Variants in DENND5A observed in about 807,000 individuals in gnomAD.
DENND5A encodes DENN domain-containing protein 5A.
Under a neutral mutation model 140.3 loss-of-function variants are expected in DENND5A, and 64 were observed. The observed-to-expected ratio is 0.46, with a 90% CI of 0.37 to 0.56. The LOEUF (loss-of-function observed/expected upper bound fraction) is 0.56. Among genes scored for constraint, DENND5A ranks in the 20% least tolerant of loss-of-function variants. DENND5A has a pLI of 0.00. For missense variants in DENND5A, 1,292 were observed against 1,593.8 expected (o/e 0.81, Z 3.22); for synonymous variants, 605 against 607.7 (o/e 1.00, Z 0.07).
rs528834895 is a variant in DENND5A, at chr11:9,236,548, A to C, written c.109+28413T>G. Among the ~76,000 whole-genome samples the C allele has an allele frequency of 2.0e-5, 3 of 152,166 alleles. No individual in the cohort carries two copies. In the East Asian group the frequency reaches 5.8e-4, roughly 29 times the overall value. ...ACACCACCTCAAAAAAAGAAAGAAA[A>C]AAAAAAGAAATATTTAGCATTTTTA... is the stretch of plus-strand genomic sequence containing the variant. On this transcript the variant is annotated intron_variant, in intron 1 of 22. Coordinates refer to ENST00000328194, the MANE Select transcript of DENND5A (RefSeq NM_015213.4).
At chr11:9,164,194 ATT>A (rs779522112) in intron 11 of DENND5A, among the ~76,000 whole-genome samples, 1,059 of 77,714 alleles carry the variant, frequency 0.014, 3 homozygotes, top group East Asian at 0.024. Flanking sequence ...ACCACGCCTA[ATT>A]TTTTTTTTTT....
intron 1 of DENND5A, among the ~76,000 whole-genome samples, chr11:9,259,438 C>T (rs1443357079): frequency 5.4e-5 from 8 of 149,270 alleles, no homozygotes; most frequent in Admixed American, 1.3e-4. Flanking sequence ...TGGTGGTGGG[C>T]GCCTGTAGTC....
At chr11:9,171,057 G>T in intron 8 of DENND5A, 2 of 374,782 alleles carry the variant, frequency 5.3e-6, no homozygotes, top group Non-Finnish European at 9.4e-6. Context: ...ACTGCTTAGA[G>T]AAAGCTTCCA....
chr11:9,230,066 G>A (rs909683066), intron 1 of DENND5A, among the ~76,000 whole-genome samples: 1 of 150,566 alleles, frequency 6.6e-6, no homozygotes, highest in Admixed American at 6.6e-5. Context: ...CTGCCACCAC[G>A]TCCAGCTAAT....
At chr11:9,174,119 A>G (rs1004851244) in intron 8 of DENND5A, among the ~76,000 whole-genome samples, 5 of 148,072 alleles carry the variant, frequency 3.4e-5, no homozygotes, top group Admixed American at 6.7e-5. Context: ...AAAAAAAAAA[A>G]AAAAAAAAAA....
Position 9,139,739 on chromosome 11 carries a change from C to T in DENND5A, c.3796G>A (p.Val1266Met), listed in dbSNP as rs1268737299. 2 of 1,614,096 alleles carry T rather than the reference C, an allele frequency of 1.2e-6. No homozygotes were observed. The highest frequency in any genetic ancestry group is 1.7e-6 in the Non-Finnish European group (2 of 1,180,020). ...DHTLVNSLIR[V>M]LQTLQEFNIT... Reference sequence around the variant, plus strand: ...TTGAACTCCTGCAATGTCTGCAGCACACGAATCAAGGAATTGACAAGTGTA... The same window carrying T: ...TTGAACTCCTGCAATGTCTGCAGCATACGAATCAAGGAATTGACAAGTGTA... Residue 1266 changes from valine to methionine, a missense_variant, in exon 23 of 23, where the codon GTG becomes ATG. By Grantham distance (21) the Val-to-Met change is conservative (BLOSUM62 1). Around this residue, in one of 4 missense-constraint regions of DENND5A, gnomAD observed 498 missense variants for 689.7 expected, o/e 0.72. Transcript: ENST00000328194.
chr11:9,162,193 T>A (rs1018478987), intron 11 of DENND5A, among the ~76,000 whole-genome samples: 1 of 150,622 alleles, frequency 6.6e-6, no homozygotes, highest in Admixed American at 6.6e-5. Flanking sequence ...AATATATATA[T>A]GCTATTACAT....
In DENND5A at chr11:9,156,325, C is replaced by A. The variant is rs567717085; in HGVS notation, c.2437-3883G>T. Reference sequence around the variant, plus strand: ...AGCCAGGACTCAGAACAAAATGGAACCTCAACTAAAAAGCCCCCATTATTT... The same window carrying A: ...AGCCAGGACTCAGAACAAAATGGAAACTCAACTAAAAAGCCCCCATTATTT... On this transcript the variant is annotated intron_variant, in intron 12 of 22. Coordinates refer to ENST00000328194, the MANE Select transcript of DENND5A (RefSeq NM_015213.4). Among the ~76,000 whole-genome samples, 4 of 152,238 alleles carry A rather than the reference C, an allele frequency of 2.6e-5. No homozygotes were observed. In the East Asian group the frequency reaches 7.7e-4, roughly 29 times the overall value.
chr11:9,226,702 G>T (rs569100540), intron 1 of DENND5A, among the ~76,000 whole-genome samples: 94 of 152,198 alleles, frequency 6.2e-4, no homozygotes, highest in African/African-American at 1.9e-3. Flanking sequence ...CAAACTGACC[G>T]ATCTAAAGTA....
At position 9,178,978 on chromosome 11, in the gene DENND5A, C is replaced by G. The variant is rs781045328; in HGVS notation, c.1551G>C (p.Arg517=). The part of the protein sequence containing the change: ...LRIYQLNIQI[R]EVFANRFTQM... ...GAGTGAAACGATTTGCAAAAACTTC[C>G]CGGATCTGAATGTTTAGCTGGTAAA... Residue 517 remains arginine (R), a synonymous_variant, in exon 7 of 23, where the codon CGG becomes CGC. Coordinates refer to ENST00000328194, the MANE Select transcript of DENND5A (RefSeq NM_015213.4). 44 of 1,613,986 alleles carry G rather than the reference C, an allele frequency of 2.7e-5. No homozygotes were observed. The highest frequency in any genetic ancestry group is 4.0e-5 in the African/African-American group (3 of 74,916).
chr11:9,160,752 G>C lies in DENND5A; in HGVS notation c.2397C>G (p.Leu799=). Residue 799 remains leucine (L), a synonymous_variant, in exon 12 of 23, where the codon CTC becomes CTG. Coordinates refer to ENST00000328194, the MANE Select transcript of DENND5A (RefSeq NM_015213.4). ...ENTLIASLCD[L]LERIWSHGLQ... ...GTCCATGACTCCAGATCCTTTCCAG[G>C]AGATCACAAAGGCTGGCAATCAGGG... 6.2e-7 allele frequency: 1 copy of C among 1,613,604 alleles called. No individual in the cohort carries two copies.
At chr11:9,154,241 A>T (rs2136129166) in intron 12 of DENND5A, among the ~76,000 whole-genome samples, 1 of 152,344 alleles carries the variant, frequency 6.6e-6, no homozygotes, top group Non-Finnish European at 1.5e-5. Context: ...TCTGTAGAGA[A>T]GAAGAAATTG....
intron 4 of DENND5A, among the ~76,000 whole-genome samples, chr11:9,202,147 T>C (rs1003480003): frequency 9.8e-5 from 15 of 152,292 alleles, no homozygotes; most frequent in African/African-American, 3.1e-4. Flanking sequence ...GGACAGTCTA[T>C]AAAATAACTT....
rs993917886 is a variant in DENND5A, at chr11:9,139,587, C to T, written c.*84G>A. 2.3e-6 allele frequency: 3 copies of T among 1,327,652 alleles called. No individual in the cohort carries two copies. Among genetic ancestry groups the T allele is most frequent in the Non-Finnish European group, 3.1e-6 (3 of 961,412 alleles). 82.2% of individuals were successfully genotyped at this position (1,327,652 alleles called of 1,614,324 possible). A position where few individuals can be genotyped will look rare whatever the true frequency, so the allele number is the denominator to read the frequency against. On this transcript the variant is annotated 3_prime_UTR_variant, in exon 23 of 23. Transcript: ENST00000328194. ...GTACATTTTGTCTCCTACTCCTGCA[C>T]AATCGCTTAAGTCCCTTTGGGAAAA...
intron 1 of DENND5A, among the ~76,000 whole-genome samples, chr11:9,238,975 G>A (rs1327678752): frequency 6.6e-6 from 1 of 151,614 alleles, no homozygotes; most frequent in Non-Finnish European, 1.5e-5. Context: ...AGGATTACAG[G>A]TGCACGCCAC....
intron 16 of DENND5A, 143 bp downstream of exon 16, chr11:9,146,886 CA>C (rs1162903296): frequency 1.2e-5 from 11 of 888,172 alleles, no homozygotes; most frequent in Non-Finnish European, 1.7e-5. Flanking sequence ...AGGGCAAGTG[CA>C]CCTCTCTCCC....
At chr11:9,170,555 C>T in intron 9 of DENND5A, 72 bp downstream of exon 9, 1 of 1,575,768 alleles carries the variant, frequency 6.3e-7, no homozygotes, top group Non-Finnish European at 8.7e-7. Context: ...GGGGTAACAG[C>T]CCTAGCCCAG....
At chr11:9,158,648 A>C (rs572059326) in intron 12 of DENND5A, among the ~76,000 whole-genome samples, 3 of 152,306 alleles carry the variant, frequency 2.0e-5, no homozygotes, top group Admixed American at 2.0e-4. Context: ...TTAGTTTCAT[A>C]AAGTTATTAA....
chr11:9,145,748 T>C lies in DENND5A; in HGVS notation c.2925A>G (p.Pro975=). The C allele has an allele frequency of 1.9e-6, 3 of 1,614,192 alleles. No individual in the cohort carries two copies. Among genetic ancestry groups the C allele is most frequent in the Non-Finnish European group, 2.5e-6 (3 of 1,180,000 alleles). ...CCAATTCTCCTGATATACAGATCCA[T>C]GGGTTGGCAGTGAACATGGAGCCCC... The part of the protein sequence containing the change: ...KLGGSMFTAN[P]WICISGELGE... Residue 975 remains proline (P), a synonymous_variant, in exon 17 of 23, where the codon CCA becomes CCG. Transcript: ENST00000328194.
Sources: allele counts gnomAD v4.1 joint callset (sites outside exome capture counted in the v4.1 genomes callset), GRCh38; gene constraint gnomAD v4.1.1; regional missense constraint gnomAD v4.1.1; transcripts MANE v1.5; gene names NCBI Gene and HGNC (gene_info 2026-07-23, HGNC 2026-07-21).